The following NINJ2 variants were observed in gnomAD, a reference collection of about 807,000 sequenced individuals.
The protein encoded by NINJ2 is ninjurin 2, also known as ninjurin-2.
A neutral mutation model predicts 11.7 loss-of-function variants in NINJ2; 12 were observed. The ratio of observed to expected loss-of-function variants is 1.02; its 90% CI spans 0.66 to 1.66. The LOEUF is 1.66. Among genes scored for constraint, NINJ2 ranks in the 40% most tolerant of loss-of-function variants. The pLI is 0.00. For missense variants in NINJ2, 187 were observed against 181.8 expected, an observed-to-expected ratio of 1.03 and a Z score of -0.16; for synonymous variants, 93 against 76.8, an observed-to-expected ratio of 1.21 and a Z score of -1.10.
intron 1 of NINJ2, among the ~76,000 whole-genome samples, chr12:569,614 C>T (rs1236494796): frequency 6.6e-6 from 1 of 152,196 alleles, no homozygotes; most frequent in Non-Finnish European, 1.5e-5. Context: ...CCTCTAGTGG[C>T]ATGTGTTGAG....
chr12:589,729 T>A (rs1019311058), intron 1 of NINJ2: 1 of 152,228 alleles, frequency 6.6e-6, no homozygotes, highest in Non-Finnish European at 1.5e-5. Flanking sequence ...GTGCTGGGTA[T>A]GCCTCCTGAG....
rs1316342526 is a variant in NINJ2 at position 580,870 on chromosome 12, G to T, written c.34-14692C>A. Among the ~76,000 whole-genome samples the T allele has an allele frequency of 6.6e-6, 1 of 151,790 alleles. No homozygotes were observed. Among genetic ancestry groups the T allele is most frequent in the African/African-American group, 2.4e-5 (1 of 41,270 alleles). On this transcript the variant is annotated intron_variant, in intron 1 of 3. Coordinates refer to ENST00000305108, the MANE Select transcript of NINJ2 (RefSeq NM_016533.6). This position sits in a 1 kb window ranked among gnomAD's most constrained non-coding sequence, Gnocchi z 4.7. Reference sequence around the variant, plus strand: ...TGTCTGTGTGTGCATGAGTGTCTGTGTGAATGTGTCTATGCATGTGTCTGT... The same window carrying T: ...TGTCTGTGTGTGCATGAGTGTCTGTTTGAATGTGTCTATGCATGTGTCTGT...
intron 2 of NINJ2, 52 bp downstream of exon 2, chr12:565,898 G>T: frequency 1.3e-6 from 2 of 1,537,506 alleles, no homozygotes; most frequent in South Asian, 1.1e-5. Flanking sequence ...GGGCCTTTCT[G>T]CCAGCCACGG....
At chr12:649,235 C>T (rs1175540281) in intron 1 of NINJ2, among the ~76,000 whole-genome samples, 1 of 151,728 alleles carries the variant, frequency 6.6e-6, no homozygotes, top group African/African-American at 2.4e-5. Context: ...TTAGTAGAGA[C>T]GGGGTTTTGC....
intron 1 of NINJ2, among the ~76,000 whole-genome samples, chr12:599,210 T>C (rs1178643226): frequency 6.6e-6 from 1 of 151,610 alleles, no homozygotes; most frequent in Non-Finnish European, 1.5e-5. Context: ...GGAGAAACCT[T>C]GTCTCTACTA....
At chr12:642,248 A>AGTTT (rs199513348) in intron 1 of NINJ2, among the ~76,000 whole-genome samples, 1 of 152,182 alleles carries the variant, frequency 6.6e-6, no homozygotes, top group Non-Finnish European at 1.5e-5. Flanking sequence ...CAGAAGTGGT[A>AGTTT]GTTTGTTTGT....
chr12:568,676 C>G (rs1012175533), intron 1 of NINJ2, among the ~76,000 whole-genome samples: 1 of 152,212 alleles, frequency 6.6e-6, no homozygotes, highest in African/African-American at 2.4e-5. Flanking sequence ...TTCCCTGCAC[C>G]TGGGTTGTTC....
intron 1 of NINJ2, among the ~76,000 whole-genome samples, chr12:598,445 G>A (rs1035822242): frequency 6.6e-6 from 1 of 152,188 alleles, no homozygotes; most frequent in Admixed American, 6.5e-5. Flanking sequence ...TTACCAGACA[G>A]GGCTATGTCT....
chr12:598,403 G>A (rs1391403526), intron 1 of NINJ2, among the ~76,000 whole-genome samples: 1 of 152,160 alleles, frequency 6.6e-6, no homozygotes, highest in Non-Finnish European at 1.5e-5. Context: ...ATTCCAGAGA[G>A]GACTGGAGAG....
intron 1 of NINJ2, among the ~76,000 whole-genome samples, chr12:601,861 G>A (rs1490790809): frequency 6.6e-6 from 1 of 152,230 alleles, no homozygotes; most frequent in Non-Finnish European, 1.5e-5. Flanking sequence ...CTGAGCGATA[G>A]AGTGCGACTC....
intron 1 of NINJ2, among the ~76,000 whole-genome samples, chr12:648,535 GA>G (rs1937731896): frequency 6.6e-6 from 1 of 152,180 alleles, no homozygotes; most frequent in South Asian, 2.1e-4. Flanking sequence ...TGAACTGACC[GA>G]ATGAATGGTC....
rs564713187 is a variant in NINJ2, at chr12:585,479, G to A, written c.34-19301C>T. 3.1e-5 allele frequency among the ~76,000 whole-genome samples: 1 copy of A among 32,346 alleles called. No homozygotes were observed. Among genetic ancestry groups the A allele is most frequent in the African/African-American group, 1.0e-4 (1 of 10,044 alleles). 21.2% of individuals were successfully genotyped at this position (32,346 alleles called of 152,430 possible). On this transcript the variant is annotated intron_variant, in intron 1 of 3. Coordinates refer to ENST00000305108, the MANE Select transcript of NINJ2 (RefSeq NM_016533.6). This position sits in a 1 kb window ranked among gnomAD's most constrained non-coding sequence, Gnocchi z 4.1. The stretch of plus-strand genomic sequence containing the variant: ...ATCAGGCAGGCAACGGTTGGAGGAA[G>A]GGAACGGTTGGAGGGAAGGGAAGGG...
rs1948304879 is a variant in NINJ2, at chr12:633,332, T to C, written c.33+29996A>G. Among the ~76,000 whole-genome samples the C allele has an allele frequency of 6.6e-6, 1 of 152,070 alleles. No homozygotes were observed. The highest frequency in any genetic ancestry group is 2.1e-4 in the South Asian group (1 of 4,828). On this transcript the variant is annotated intron_variant, in intron 1 of 3. Coordinates refer to ENST00000305108, the MANE Select transcript of NINJ2 (RefSeq NM_016533.6). The surrounding 1 kb of genome is among the most constrained non-coding windows in gnomAD (Gnocchi z 4.3). ...GGCCAACATGGTGAAACCCTGTCTC[T>C]ACTAAAAATACAAAAATTAGCCAGA... is the stretch of plus-strand genomic sequence containing the variant.
chr12:577,444 A>ATAT (rs1947483040), intron 1 of NINJ2, among the ~76,000 whole-genome samples: 3 of 66,082 alleles, frequency 4.5e-5, no homozygotes, highest in African/African-American at 1.5e-4. Flanking sequence ...TATATATATA[A>ATAT]ATATTTTGGC....
At chr12:579,450 T>C (rs2018395) in intron 1 of NINJ2, among the ~76,000 whole-genome samples, 58,171 of 151,992 alleles carry the variant, frequency 0.38, 12,040 homozygotes, top group African/African-American at 0.51. Flanking sequence ...TTCACCATGA[T>C]GAAGAGAAAG....
intron 1 of NINJ2, among the ~76,000 whole-genome samples, chr12:617,148 G>C (rs1242318334): frequency 6.6e-6 from 1 of 152,214 alleles, no homozygotes; most frequent in Admixed American, 6.5e-5. Context: ...GGAGGTTGCA[G>C]TGAGCTGATC....
rs976388670 is a variant in NINJ2 at position 607,079 on chromosome 12, T to C, written c.34-40901A>G. On this transcript the variant is annotated intron_variant, in intron 1 of 3. Coordinates refer to ENST00000305108, the MANE Select transcript of NINJ2 (RefSeq NM_016533.6). ...CCACTTCTTATTTAACTAGTTCACA[T>C]TGCATTTCAGTCACTTGCAACCAAA... Among the ~76,000 whole-genome samples, 4 of 152,196 alleles carry C rather than the reference T, an allele frequency of 2.6e-5. No individual in the cohort carries two copies. In the East Asian group the frequency reaches 7.7e-4, roughly 29 times the overall value.
At chr12:587,542 G>T (rs539697436) in intron 1 of NINJ2, among the ~76,000 whole-genome samples, 15 of 152,344 alleles carry the variant, frequency 9.8e-5, no homozygotes, top group African/African-American at 3.6e-4. Flanking sequence ...GGCTCCTCAG[G>T]CTCTCTGACC....
chr12:590,265 G>A (rs898060540), intron 1 of NINJ2, among the ~76,000 whole-genome samples: 1 of 152,252 alleles, frequency 6.6e-6, no homozygotes, highest in African/African-American at 2.4e-5. Context: ...GGGCTGGAGC[G>A]GAGAGCCACG....
Sources: gnomAD v4.1 joint callset for allele counts (sites outside exome capture counted in the v4.1 genomes callset) on GRCh38, gnomAD v4.1.1 for gene constraint, Gnocchi (gnomAD v3.1) non-coding constraint, MANE v1.5 for transcripts, NCBI Gene and HGNC (gene_info 2026-07-23, HGNC 2026-07-21) for gene names.